GPHN: variants seen among roughly 807,000 people sequenced by gnomAD.
GPHN encodes the protein gephyrin.
In GPHN, 17 loss-of-function variants were observed where a neutral mutation model predicts 95.5. That is an observed-to-expected ratio of 0.18 (90% CI 0.12 to 0.27). The LOEUF is 0.27. GPHN is among the 10% of genes least tolerant of loss of function. GPHN has a pLI of 1.00. For missense variants in GPHN, 660 were observed against 978.1 expected (o/e 0.67, Z 4.34); for synonymous variants, 320 against 322.5 (o/e 0.99, Z 0.08).
chr14:66,531,697 A>G (rs186760310), intron 1 of GPHN, among the ~76,000 whole-genome samples: 11 of 152,330 alleles, frequency 7.2e-5, no homozygotes, highest in Admixed American at 6.5e-4. Flanking sequence ...TCAACTCAAT[A>G]TGTAGTGTAT....
intron 3 of GPHN, among the ~76,000 whole-genome samples, 154 bp downstream of exon 3, chr14:66,776,675 G>A (rs971913910): frequency 6.6e-6 from 1 of 151,944 alleles, no homozygotes. Context: ...ATATGTATCA[G>A]ATAATCACCA....
At chr14:67,371,270 C>T in the GPHN span, among the ~76,000 whole-genome samples, 1 of 151,700 alleles carries the variant, frequency 6.6e-6, no homozygotes, top group African/African-American at 2.4e-5. Flanking sequence ...AAAAAATTAG[C>T]TGGGTGTGGT....
intron 5 of GPHN, among the ~76,000 whole-genome samples, chr14:66,905,752 A>G (rs1255944658): frequency 2.0e-5 from 3 of 152,070 alleles, no homozygotes; most frequent in Non-Finnish European, 2.9e-5. Flanking sequence ...GGTAGTCCCC[A>G]GTGTCTATTG....
At chr14:66,557,282 T>TAGATAGAA (rs1555342980) in intron 1 of GPHN, among the ~76,000 whole-genome samples, 4,594 of 146,940 alleles carry the variant, frequency 0.031, 198 homozygotes, top group African/African-American at 0.089. Context: ...GATAGATAGA[T>TAGATAGAA]AGAATGAATT....
the GPHN span, among the ~76,000 whole-genome samples, chr14:67,269,205 A>G: frequency 6.6e-6 from 1 of 152,036 alleles, no homozygotes; most frequent in African/African-American, 2.4e-5. Context: ...TCACTACTTC[A>G]TTTTTATTTT....
chr14:67,283,579 A>T, the GPHN span, among the ~76,000 whole-genome samples: 1 of 152,162 alleles, frequency 6.6e-6, no homozygotes, highest in Non-Finnish European at 1.5e-5. Flanking sequence ...AATAAATGTT[A>T]TTAGCCATTC....
chr14:66,683,646 A>C (rs2067143600), intron 2 of GPHN, among the ~76,000 whole-genome samples: 1 of 147,106 alleles, frequency 6.8e-6, no homozygotes, highest in South Asian at 2.2e-4. Context: ...TGCAACATTG[A>C]ATAGGAAGTA....
chr14:67,170,744 C>T (rs1242625809), intron 21 of GPHN, among the ~76,000 whole-genome samples: 1 of 152,204 alleles, frequency 6.6e-6, no homozygotes, highest in African/African-American at 2.4e-5. Flanking sequence ...TATGGGTCAT[C>T]AGTATGCTTG....
At chr14:67,071,977 T>C (rs2076329622) in intron 11 of GPHN, among the ~76,000 whole-genome samples, 2 of 152,138 alleles carry the variant, frequency 1.3e-5, no homozygotes, top group South Asian at 4.1e-4. Context: ...ACTATACTTG[T>C]GGTTAAAATA....
At chr14:67,011,573 CAAAAA>C (rs201978777) in intron 9 of GPHN, among the ~76,000 whole-genome samples, 2 of 63,190 alleles carry the variant, frequency 3.2e-5, no homozygotes, top group Admixed American at 1.9e-4. Flanking sequence ...GACCTTGCCT[CAAAAA>C]AAAAAAAAAA....
intron 1 of GPHN, among the ~76,000 whole-genome samples, chr14:66,585,461 G>A (rs1321394099): frequency 6.6e-6 from 1 of 152,038 alleles, no homozygotes; most frequent in Non-Finnish European, 1.5e-5. Context: ...TGCTTCTCTA[G>A]GTCTTTTAAT....
intron 10 of GPHN, among the ~76,000 whole-genome samples, chr14:67,038,585 G>A (rs2074544461): frequency 6.6e-6 from 1 of 151,940 alleles, no homozygotes; most frequent in African/African-American, 2.4e-5. Context: ...ACCATTCTAT[G>A]TGTAACAAGT....
At chr14:67,424,141 G>A in the GPHN span, among the ~76,000 whole-genome samples, 1 of 152,166 alleles carries the variant, frequency 6.6e-6, no homozygotes, top group African/African-American at 2.4e-5. Flanking sequence ...TCAGGAGGCT[G>A]AGGCAGGAGA....
the GPHN span, among the ~76,000 whole-genome samples, chr14:67,402,274 A>T: frequency 6.6e-6 from 1 of 152,046 alleles, no homozygotes; most frequent in Non-Finnish European, 1.5e-5. Flanking sequence ...TTTACTTTAA[A>T]TTTTTTTATT....
At chr14:66,601,743 A>AC (rs2140845071) in intron 1 of GPHN, among the ~76,000 whole-genome samples, 1 of 151,472 alleles carries the variant, frequency 6.6e-6, no homozygotes, top group African/African-American at 2.4e-5. Flanking sequence ...GTGGGAGAAA[A>AC]AATTGTTTCC....
chr14:67,204,019 A>T, the GPHN span, among the ~76,000 whole-genome samples: 1 of 152,078 alleles, frequency 6.6e-6, no homozygotes, highest in Non-Finnish European at 1.5e-5. Context: ...GCCCATTCAG[A>T]CGTTTTTATA....
At chr14:66,541,351 T>C (rs2059346295) in intron 1 of GPHN, among the ~76,000 whole-genome samples, 1 of 152,202 alleles carries the variant, frequency 6.6e-6, no homozygotes, top group Admixed American at 6.5e-5. Flanking sequence ...TCTAAGATTT[T>C]GTAAAGGATA....
the GPHN span, among the ~76,000 whole-genome samples, chr14:67,682,389 A>G: frequency 6.6e-6 from 1 of 152,226 alleles, no homozygotes; most frequent in East Asian, 1.9e-4. Context: ...CTAGACTATT[A>G]AGAACTCTTG....
At chr14:67,708,975 T>C in the GPHN span, among the ~76,000 whole-genome samples, 1 of 152,130 alleles carries the variant, frequency 6.6e-6, no homozygotes, top group Non-Finnish European at 1.5e-5. Context: ...GTATTTTTAG[T>C]AAAGATGGGG....
Sources: allele counts gnomAD v4.1 joint callset (sites outside exome capture counted in the v4.1 genomes callset), GRCh38; gene constraint gnomAD v4.1.1; transcripts MANE v1.5; gene names NCBI Gene and HGNC (gene_info 2026-07-23, HGNC 2026-07-21).